Variants in SAMD13 observed in about 807,000 individuals in gnomAD.
SAMD13 encodes sterile alpha motif domain containing 13.
SAMD13 carries 9 observed loss-of-function variants against 12.4 expected under a neutral mutation model. That is an observed-to-expected ratio of 0.72 (90% CI 0.44 to 1.26). SAMD13 has a LOEUF of 1.26. Among genes scored for constraint, SAMD13 ranks in the 50% most tolerant of loss-of-function variants. The pLI, the probability that SAMD13 is intolerant of heterozygous loss-of-function variation, is 0.00. For synonymous variants in SAMD13, 46 were observed against 45.4 expected, an observed-to-expected ratio of 1.01 and a Z score of -0.05; for missense variants, 84 against 119.6, an observed-to-expected ratio of 0.70 and a Z score of 1.39.
At chr1:84,322,025 C>T (rs1204044908) in intron 2 of SAMD13, among the ~76,000 whole-genome samples, 10 of 152,164 alleles carry the variant, frequency 6.6e-5, no homozygotes, top group Non-Finnish European at 1.5e-4. Flanking sequence ...CAATAAATGC[C>T]TTTTTAAACT....
At chr1:84,321,518 A>C (rs977286263) in intron 2 of SAMD13, among the ~76,000 whole-genome samples, 19 of 152,330 alleles carry the variant, frequency 1.2e-4, no homozygotes, top group Admixed American at 8.5e-4. Context: ...CATTTTATCA[A>C]TGCAAAATTA....
intron 3 of SAMD13, among the ~76,000 whole-genome samples, chr1:84,338,209 T>G (rs1558460889): frequency 6.6e-6 from 1 of 152,118 alleles, no homozygotes; most frequent in African/African-American, 2.4e-5. Context: ...AATGCCCCAC[T>G]CTACTGGTAC....
chr1:84,337,082 A>G (rs1008617742), intron 3 of SAMD13, among the ~76,000 whole-genome samples: 26 of 152,212 alleles, frequency 1.7e-4, no homozygotes, highest in Non-Finnish European at 5.9e-5. Context: ...GTGGCTATGC[A>G]GGGTACAGCC....
upstream of SAMD13, chr1:84,299,581 A>T (rs760210240): frequency 2.0e-6 from 3 of 1,507,552 alleles, no homozygotes; most frequent in Non-Finnish European, 1.8e-6. Context: ...TTTATGCTAC[A>T]TACTACACAC....
chr1:84,303,089 A>G, intron 1 of SAMD13, 114 bp from the exon 2 acceptor site: 1 of 730,172 alleles, frequency 1.4e-6, no homozygotes, highest in Non-Finnish European at 2.3e-6. Context: ...TTAAACAAAC[A>G]TACGTGAACT....
intron 3 of SAMD13, among the ~76,000 whole-genome samples, chr1:84,349,054 T>C (rs953960715): frequency 6.6e-6 from 1 of 152,124 alleles, no homozygotes; most frequent in Non-Finnish European, 1.5e-5. Flanking sequence ...AAAAAACATA[T>C]ATTTAAGTAT....
At chr1:84,306,495 T>G (rs1466027920) in intron 2 of SAMD13, among the ~76,000 whole-genome samples, 2 of 151,492 alleles carry the variant, frequency 1.3e-5, no homozygotes, top group Middle Eastern at 3.2e-3. Context: ...GAACCTTCAG[T>G]GAAAAGTTGA....
At chr1:84,312,665 C>G (rs1237339811) in intron 2 of SAMD13, among the ~76,000 whole-genome samples, 1 of 151,978 alleles carries the variant, frequency 6.6e-6, no homozygotes, top group Non-Finnish European at 1.5e-5. Context: ...AGAACTTCAA[C>G]AATAGTACCC....
intron 3 of SAMD13, among the ~76,000 whole-genome samples, chr1:84,343,144 C>G (rs144794674): frequency 0.027 from 4,162 of 152,214 alleles, 201 homozygotes; most frequent in African/African-American, 0.095. Flanking sequence ...CAAATCAAAA[C>G]CACAATGAGA....
chr1:84,342,357 T>C (rs1679444578), intron 3 of SAMD13, among the ~76,000 whole-genome samples: 1 of 152,120 alleles, frequency 6.6e-6, no homozygotes, highest in Admixed American at 6.5e-5. Context: ...TATTTTAAAA[T>C]TCAGATGGAA....
At chr1:84,324,897 T>C (rs1371548342) in intron 2 of SAMD13, among the ~76,000 whole-genome samples, 1 of 152,180 alleles carries the variant, frequency 6.6e-6, no homozygotes, top group Non-Finnish European at 1.5e-5. Flanking sequence ...TGTTTATTTA[T>C]TTGAACAATA....
upstream of SAMD13, chr1:84,299,585 TAC>T: frequency 1.3e-6 from 2 of 1,509,780 alleles, no homozygotes; most frequent in South Asian, 2.6e-5. Flanking sequence ...TGCTACATAC[TAC>T]ACACACAACT....
At chr1:84,328,876 A>T (rs982996757) in intron 3 of SAMD13, among the ~76,000 whole-genome samples, 1 of 152,190 alleles carries the variant, frequency 6.6e-6, no homozygotes, top group African/African-American at 2.4e-5. Flanking sequence ...TTGCCCTTCC[A>T]CTTGACAGAA....
intron 2 of SAMD13, among the ~76,000 whole-genome samples, chr1:84,308,850 A>AG (rs1485940686): frequency 6.6e-6 from 1 of 152,194 alleles, no homozygotes; most frequent in Non-Finnish European, 1.5e-5. Context: ...TTAGGAAAGA[A>AG]GCAACTCCTA....
chr1:84,310,276 A>C (rs1558439929), intron 2 of SAMD13, among the ~76,000 whole-genome samples: 1 of 152,166 alleles, frequency 6.6e-6, no homozygotes, highest in Non-Finnish European at 1.5e-5. Context: ...GGGGGGTTCA[A>C]ACTTTCAGCT....
At chr1:84,309,030 A>G (rs1298345976) in intron 2 of SAMD13, among the ~76,000 whole-genome samples, 6 of 152,188 alleles carry the variant, frequency 3.9e-5, no homozygotes, top group African/African-American at 1.4e-4. Flanking sequence ...TAAAATATAG[A>G]GTTGTTGTGA....
chr1:84,303,267 T>C lies in SAMD13; in HGVS notation c.33T>C (p.Asn11=). 5 of 1,612,878 alleles carry C rather than the reference T, an allele frequency of 3.1e-6. No homozygotes were observed. Among genetic ancestry groups the C allele is most frequent in the Non-Finnish European group, 4.2e-6 (5 of 1,179,072 alleles). The change falls in exon 2 of 4, where the codon AAT becomes AAC. Residue 11 remains asparagine (N), a synonymous_variant. Coordinates refer to ENST00000394834, the MANE Select transcript of SAMD13 (RefSeq NM_001134663.2). Reference sequence around the variant, plus strand: ...CTGTTGACATGGAAAACAAGGAAAATGGCTCTGTCGGTGTAAAAAAGTAAG... The same window carrying C: ...CTGTTGACATGGAAAACAAGGAAAACGGCTCTGTCGGTGTAAAAAAGTAAG... MLSVDMENKE[N]GSVGVKNSME...
At chr1:84,331,145 A>C (rs1318778343) in intron 3 of SAMD13, among the ~76,000 whole-genome samples, 1 of 152,038 alleles carries the variant, frequency 6.6e-6, no homozygotes, top group Non-Finnish European at 1.5e-5. Flanking sequence ...AGTAATACTA[A>C]CTACCTCAAA....
intron 3 of SAMD13, among the ~76,000 whole-genome samples, chr1:84,349,109 T>C (rs1286494711): frequency 6.6e-6 from 1 of 152,200 alleles, no homozygotes; most frequent in African/African-American, 2.4e-5. Context: ...TGGCTTTGGC[T>C]GCAGGTATAT....
Sources: gnomAD v4.1 joint callset for allele counts (sites outside exome capture counted in the v4.1 genomes callset) on GRCh38, gnomAD v4.1.1 for gene constraint, MANE v1.5 for transcripts, NCBI Gene and HGNC (gene_info 2026-07-23, HGNC 2026-07-21) for gene names.